The following WDFY3 variants were observed in gnomAD, a reference collection of about 807,000 sequenced individuals.
The protein encoded by WDFY3 is WD repeat and FYVE domain-containing protein 3.
Under a neutral mutation model 409.6 loss-of-function variants are expected in WDFY3, and 66 were observed. That is an observed-to-expected ratio of 0.16 (90% CI 0.13 to 0.20). The LOEUF is 0.20. Among genes scored for constraint, WDFY3 ranks in the 10% least tolerant of loss-of-function variants. The pLI, the probability that WDFY3 is intolerant of heterozygous loss-of-function variation, is 1.00. For missense variants in WDFY3, 3,031 were observed against 4,298.1 expected (o/e 0.71, Z 8.24); for synonymous variants, 1,521 against 1,537.1 (o/e 0.99, Z 0.25).
At chr4:84,677,838 C>T (rs1304359682) in intron 66 of WDFY3, among the ~76,000 whole-genome samples, 1 of 151,340 alleles carries the variant, frequency 6.6e-6, no homozygotes, top group Non-Finnish European at 1.5e-5. Flanking sequence ...TGGTGCACGC[C>T]TATAGTCCCA....
At chr4:84,926,299 T>C (rs1274018597) in intron 2 of WDFY3, among the ~76,000 whole-genome samples, 1 of 151,070 alleles carries the variant, frequency 6.6e-6, no homozygotes, top group Non-Finnish European at 1.5e-5. Flanking sequence ...AGGAAAAAAG[T>C]TTCACAACAG....
At position 84,692,886 on chromosome 4, in the gene WDFY3, T is replaced by C; in HGVS notation, c.9048A>G (p.Lys3016=). The part of the protein sequence containing the change: ...DNLRPSLTPV[K]ELKEPVGQIV... Reference sequence around the variant, plus strand: ...AAAGTTTATTTCTCATTATTTTACCTTTTACAGGTGTTAGAGAAGGCCTCA... The same window carrying C: ...AAAGTTTATTTCTCATTATTTTACCCTTTACAGGTGTTAGAGAAGGCCTCA... Residue 3016 remains lysine (K), a splice_region_variant and synonymous_variant, in exon 59 of 68, where the codon AAA becomes AAG. Transcript: ENST00000295888. 2 of 1,597,880 alleles carry C rather than the reference T, an allele frequency of 1.3e-6. No homozygotes were observed. Among genetic ancestry groups the C allele is most frequent in the Non-Finnish European group, 1.7e-6 (2 of 1,176,150 alleles).
At position 84,803,611 on chromosome 4, in the gene WDFY3, C is replaced by T. The variant is rs945722183; in HGVS notation, c.2430-144G>A. On this transcript the variant is annotated intron_variant, in intron 15 of 67. Coordinates refer to ENST00000295888, the MANE Select transcript of WDFY3 (RefSeq NM_014991.6). Reference sequence around the variant, plus strand: ...TAGAAAAAAAGGAATATATTATCAACTCGAGTTGATATGTGTGTGTGTCCG... The same window carrying T: ...TAGAAAAAAAGGAATATATTATCAATTCGAGTTGATATGTGTGTGTGTCCG... 1.7e-5 allele frequency: 15 copies of T among 894,668 alleles called. No individual in the cohort carries two copies. In the African/African-American group the frequency reaches 2.5e-4, roughly 15 times the overall value. 55.4% of individuals were successfully genotyped at this position (894,668 alleles called of 1,614,324 possible).
At chr4:84,838,855 T>C (rs1181341718) in intron 6 of WDFY3, among the ~76,000 whole-genome samples, 2 of 152,200 alleles carry the variant, frequency 1.3e-5, no homozygotes, top group Middle Eastern at 3.2e-3. Context: ...CTATTTTCAA[T>C]AGCACTATAT....
At chr4:84,869,203 T>C (rs1030294818) in intron 3 of WDFY3, among the ~76,000 whole-genome samples, 1 of 152,216 alleles carries the variant, frequency 6.6e-6, no homozygotes, top group East Asian at 1.9e-4. Flanking sequence ...TAGGAATTTA[T>C]TTCTGACATC....
At chr4:84,886,468 A>G (rs1764241491) in intron 3 of WDFY3, 1 of 152,016 alleles carries the variant, frequency 6.6e-6, no homozygotes, top group South Asian at 2.1e-4. Context: ...GAATGTGAGC[A>G]CAATTGAACC....
intron 3 of WDFY3, among the ~76,000 whole-genome samples, chr4:84,887,571 T>C (rs775415896): frequency 2.0e-5 from 3 of 152,190 alleles, no homozygotes; most frequent in Non-Finnish European, 4.4e-5. Flanking sequence ...CCAGGAAATA[T>C]AGCCTTAATA....
At chr4:84,701,318 G>A (rs1476804806) in intron 56 of WDFY3, among the ~76,000 whole-genome samples, 1 of 152,182 alleles carries the variant, frequency 6.6e-6, no homozygotes, top group Non-Finnish European at 1.5e-5. Flanking sequence ...TGGGGCTCTG[G>A]AGACAGCCTT....
chr4:84,800,647 C>T (rs1402669062), intron 17 of WDFY3, among the ~76,000 whole-genome samples: 1 of 152,134 alleles, frequency 6.6e-6, no homozygotes, highest in African/African-American at 2.4e-5. Context: ...TGGTACCCAA[C>T]CTTTTTGGCA....
intron 58 of WDFY3, among the ~76,000 whole-genome samples, chr4:84,695,509 T>G (rs199677148): frequency 0.092 from 9,864 of 107,070 alleles, 578 homozygotes; most frequent in African/African-American, 0.22. Context: ...CAGAGAGAGA[T>G]AGAGAGAGAG....
At chr4:84,721,599 T>C in intron 46 of WDFY3, 27 bp from the exon 47 acceptor site, 1 of 1,599,474 alleles carries the variant, frequency 6.3e-7, no homozygotes, top group Non-Finnish European at 8.5e-7. Context: ...AAGAGGGCCA[T>C]GTGGCATTGT....
chr4:84,814,548 C>T (rs1752992798), intron 13 of WDFY3, among the ~76,000 whole-genome samples: 1 of 152,034 alleles, frequency 6.6e-6, no homozygotes, highest in Non-Finnish European at 1.5e-5. Flanking sequence ...TGCCCCACAC[C>T]ACTGTGACTC....
chr4:84,807,942 C>T (rs928962777), intron 15 of WDFY3, among the ~76,000 whole-genome samples: 2 of 149,778 alleles, frequency 1.3e-5, no homozygotes, highest in African/African-American at 2.5e-5. Flanking sequence ...ATGATCCCAA[C>T]GTTTAAAGTA....
rs1398550316 is a variant in WDFY3, at chr4:84,670,101, T to C, written c.*2767A>G. On this transcript the variant is annotated 3_prime_UTR_variant, in exon 68 of 68. Coordinates refer to ENST00000295888, the MANE Select transcript of WDFY3 (RefSeq NM_014991.6). ...TGCAAAATAACTTATCTAGAGTGTT[T>C]TGCTATTATCCAGACGGATGGCTGC... is the stretch of plus-strand genomic sequence containing the variant. The C allele has an allele frequency of 2.0e-5, 3 of 152,664 alleles. No homozygotes were observed. The highest frequency in any genetic ancestry group is 4.8e-5 in the African/African-American group (2 of 41,464). The allele number at this position is 152,664 out of a possible 1,614,324, so 9.5% of individuals were successfully genotyped here.
At chr4:84,706,099 A>G (rs1315361626) in intron 53 of WDFY3, among the ~76,000 whole-genome samples, 1 of 152,214 alleles carries the variant, frequency 6.6e-6, no homozygotes, top group Non-Finnish European at 1.5e-5. Context: ...AGTTTACCAG[A>G]GATCACTTTA....
At position 84,911,545 on chromosome 4, in the gene WDFY3, G is replaced by GATAT. The variant is rs773023606; in HGVS notation, c.-131-14539_-131-14536dup. Among the ~76,000 whole-genome samples, 3 of 152,184 alleles carry GATAT rather than the reference G, an allele frequency of 2.0e-5. No individual in the cohort carries two copies. In the East Asian group the frequency reaches 5.8e-4, roughly 29 times the overall value. Reference sequence around the variant, plus strand: ...CATGAACACACATTTCACTGAAGAAGATATATACACTTGACCCTTAACCAA... The same window carrying GATAT: ...CATGAACACACATTTCACTGAAGAAGATATATATATACACTTGACCCTTAACCAA... On this transcript the variant is annotated intron_variant, in intron 2 of 67. Coordinates refer to ENST00000295888, the MANE Select transcript of WDFY3 (RefSeq NM_014991.6).
chr4:84,799,346 T>A, intron 17 of WDFY3, among the ~76,000 whole-genome samples: 1 of 151,040 alleles, frequency 6.6e-6, no homozygotes, highest in Non-Finnish European at 1.5e-5. Context: ...ATATTTTTTT[T>A]TTTTTTGTAG....
At chr4:84,791,823 C>T (rs1182326640) in intron 21 of WDFY3, among the ~76,000 whole-genome samples, 5 of 152,172 alleles carry the variant, frequency 3.3e-5, no homozygotes, top group African/African-American at 1.2e-4. Context: ...ACAATTACTT[C>T]CTGACTCCAA....
chr4:84,874,605 T>C (rs901138824), intron 3 of WDFY3, among the ~76,000 whole-genome samples: 5 of 152,176 alleles, frequency 3.3e-5, no homozygotes, highest in East Asian at 1.9e-4. Context: ...TTCAGTCCTC[T>C]ATGTATTATG....
Sources: allele counts gnomAD v4.1 joint callset (sites outside exome capture counted in the v4.1 genomes callset), GRCh38; gene constraint gnomAD v4.1.1; transcripts MANE v1.5; gene names NCBI Gene and HGNC (gene_info 2026-07-23, HGNC 2026-07-21).